Variants in ATP9A observed in about 807,000 individuals in gnomAD.
ATP9A encodes the protein ATPase phospholipid transporting 9A, also known as probable phospholipid-transporting ATPase IIA.
Under a neutral mutation model 144.1 loss-of-function variants are expected in ATP9A, and 52 were observed. The ratio of observed to expected loss-of-function variants is 0.36; its 90% confidence interval spans 0.29 to 0.45. The LOEUF is 0.45. Among genes scored for constraint, ATP9A ranks in the 20% least tolerant of loss-of-function variants. The pLI is 1.00. For missense variants in ATP9A, 947 were observed against 1,392.7 expected (o/e 0.68, Z 5.09); for synonymous variants, 582 against 557.4 (o/e 1.04, Z -0.62).
At chr20:51,752,253 T>C (rs1172574212) in intron 1 of ATP9A, among the ~76,000 whole-genome samples, 2 of 152,060 alleles carry the variant, frequency 1.3e-5, no homozygotes, top group African/African-American at 2.4e-5. Context: ...AATAAAACAA[T>C]GACAGTACCT....
At chr20:51,657,272 T>TA in intron 13 of ATP9A, 122 bp from the exon 14 acceptor site, 1 of 728,782 alleles carries the variant, frequency 1.4e-6, no homozygotes, top group Non-Finnish European at 2.2e-6. Flanking sequence ...AACCCTTAGA[T>TA]ATATCTACAA....
At chr20:51,724,064 G>A (rs988090424) in intron 3 of ATP9A, among the ~76,000 whole-genome samples, 10 of 151,858 alleles carry the variant, frequency 6.6e-5, no homozygotes, top group East Asian at 1.9e-4. Context: ...CCAGCTACTC[G>A]GGAGGCTGAG....
intron 19 of ATP9A, among the ~76,000 whole-genome samples, chr20:51,619,549 G>A (rs1889357961): frequency 8.6e-6 from 1 of 116,036 alleles, no homozygotes; most frequent in African/African-American, 3.3e-5. Flanking sequence ...GGGCAACAGA[G>A]CAAGACTCGT....
chr20:51,681,885 G>C (rs1337748661), intron 9 of ATP9A, among the ~76,000 whole-genome samples: 1 of 152,176 alleles, frequency 6.6e-6, no homozygotes, highest in Non-Finnish European at 1.5e-5. Flanking sequence ...AAAATCACCA[G>C]ATGAAAAACA....
At chr20:51,688,463 G>A (rs1451609229) in intron 9 of ATP9A, among the ~76,000 whole-genome samples, 3 of 152,048 alleles carry the variant, frequency 2.0e-5, no homozygotes, top group African/African-American at 7.2e-5. Context: ...GTGGTGGTGC[G>A]GGCCTATAAT....
chr20:51,607,409 C>T, intron 26 of ATP9A, 118 bp downstream of exon 26: 1 of 916,756 alleles, frequency 1.1e-6, no homozygotes, highest in Non-Finnish European at 1.7e-6. Context: ...GTCCCACTGC[C>T]ACCCTCCTTC....
Position 51,601,065 on chromosome 20 carries a change from G to C in ATP9A, c.*146C>G. 9.6e-7 allele frequency: 1 copy of C among 1,039,106 alleles called. No individual in the cohort carries two copies. Among genetic ancestry groups the C allele is most frequent in the Non-Finnish European group, 1.3e-6 (1 of 748,418 alleles). The allele number at this position is 1,039,106 out of a possible 1,614,324, so 64.4% of individuals were successfully genotyped here. A position where few individuals can be genotyped will look rare whatever the true frequency, so the allele number is the denominator to read the frequency against. On this transcript the variant is annotated 3_prime_UTR_variant, in exon 28 of 28. Coordinates refer to ENST00000338821, the MANE Select transcript of ATP9A (RefSeq NM_006045.3). ...CCCGTTGATGCAGCGTTAGGACTCC[G>C]TTTAGGCGCAGAGCCACTTCCCATT...
At chr20:51,741,014 T>G (rs1256988339) in intron 1 of ATP9A, among the ~76,000 whole-genome samples, 3 of 151,902 alleles carry the variant, frequency 2.0e-5, no homozygotes, top group Non-Finnish European at 4.4e-5. Context: ...AAGTTTCAAT[T>G]AATTAAAATT....
intron 13 of ATP9A, among the ~76,000 whole-genome samples, chr20:51,661,714 C>G (rs1042902556): frequency 1.3e-5 from 2 of 152,022 alleles, no homozygotes; most frequent in South Asian, 2.1e-4. Flanking sequence ...TATGATAACC[C>G]TAACTAACCT....
chr20:51,767,875 G>A (rs1469744025), intron 1 of ATP9A, among the ~76,000 whole-genome samples: 3 of 152,218 alleles, frequency 2.0e-5, no homozygotes, highest in African/African-American at 7.2e-5. Context: ...GCATATCTGG[G>A]CTCCCGAGTA....
intron 3 of ATP9A, 98 bp downstream of exon 3, chr20:51,725,721 G>C (rs2077709377): frequency 1.3e-5 from 11 of 825,626 alleles, no homozygotes; most frequent in Non-Finnish European, 2.2e-5. Context: ...TCCCTTACAA[G>C]GCCACCATCC....
chr20:51,703,245 C>T (rs2077601788), intron 4 of ATP9A, among the ~76,000 whole-genome samples: 1 of 152,136 alleles, frequency 6.6e-6, no homozygotes, highest in South Asian at 2.1e-4. Flanking sequence ...AGTAAAAACA[C>T]CCAATAATAT....
intron 13 of ATP9A, among the ~76,000 whole-genome samples, chr20:51,663,777 G>A (rs1287394503): frequency 6.9e-6 from 1 of 144,474 alleles, no homozygotes. Flanking sequence ...CTGGGAAACA[G>A]AGCGAGACTC....
intron 1 of ATP9A, among the ~76,000 whole-genome samples, chr20:51,735,350 T>G (rs1018466013): frequency 1.3e-5 from 2 of 150,916 alleles, no homozygotes; most frequent in East Asian, 3.9e-4. Flanking sequence ...GCACAGACAA[T>G]CTCCACGACG....
intron 1 of ATP9A, among the ~76,000 whole-genome samples, chr20:51,763,003 A>C (rs1263334290): frequency 6.6e-6 from 1 of 152,066 alleles, no homozygotes; most frequent in Admixed American, 6.6e-5. Context: ...TACAGGTGTG[A>C]GCCACCAAGC....
At position 51,752,311 on chromosome 20, in the gene ATP9A, A is replaced by G. The variant is rs150745160; in HGVS notation, c.68+15991T>C. Among the ~76,000 whole-genome samples, 195 of 152,340 alleles carry G rather than the reference A, an allele frequency of 1.3e-3. 1 individual carries two copies. Among genetic ancestry groups the G allele is most frequent in the African/African-American group, 4.5e-3 (189 of 41,584 alleles). ...ACAATCCACTTAAAATACCTAAGAC[A>G]GTGATGCTGGCACCCAAGACACCAA... On this transcript the variant is annotated intron_variant, in intron 1 of 27. Coordinates refer to ENST00000338821, the MANE Select transcript of ATP9A (RefSeq NM_006045.3).
At chr20:51,687,503 T>G (rs2077528252) in intron 9 of ATP9A, among the ~76,000 whole-genome samples, 2 of 152,160 alleles carry the variant, frequency 1.3e-5, no homozygotes, top group Admixed American at 1.3e-4. Flanking sequence ...CAAGGTGGTT[T>G]ACACCTATGA....
intron 14 of ATP9A, among the ~76,000 whole-genome samples, chr20:51,652,427 T>C (rs1288693124): frequency 2.0e-5 from 3 of 152,238 alleles, no homozygotes; most frequent in Admixed American, 6.5e-5. Context: ...AAATGCATAC[T>C]GGTTTCTACA....
In ATP9A at chr20:51,601,322, T is replaced by A. The variant is rs767795058; in HGVS notation, c.3033A>T (p.Ser1011=). The change falls in exon 28 of 28, where the codon TCA becomes TCT. Residue 1011 remains serine (S), a synonymous_variant. Transcript: ENST00000338821. The stretch of plus-strand genomic sequence containing the variant: ...TGATGACGGAGACTTTCCACAAGAA[T>A]GACAAGGTGGCGATGAAGTACACAT... The part of the protein sequence containing the change: ...FIDVYFIATL[S]FLWKVSVITL... 3.1e-6 allele frequency: 5 copies of A among 1,612,936 alleles called. No homozygotes were observed. In the East Asian group the frequency reaches 1.1e-4, roughly 36 times the overall value.
Sources: gnomAD v4.1 joint callset for allele counts (sites outside exome capture counted in the v4.1 genomes callset) on GRCh38, gnomAD v4.1.1 for gene constraint, MANE v1.5 for transcripts, NCBI Gene and HGNC (gene_info 2026-07-23, HGNC 2026-07-21) for gene names.